The following WIPI2 variants were observed in gnomAD, a reference collection of about 807,000 sequenced individuals.
The protein encoded by WIPI2 is WD repeat domain phosphoinositide-interacting protein 2.
In WIPI2, 28 loss-of-function variants were observed where a neutral mutation model predicts 52.3. That is an observed-to-expected ratio of 0.54 (90% CI 0.40 to 0.73). The LOEUF is 0.73. WIPI2 is among the 30% of genes least tolerant of loss of function. WIPI2 has a pLI of 0.00. For synonymous variants in WIPI2, 268 were observed against 245.0 expected, an observed-to-expected ratio of 1.09 and a Z score of -0.88; for missense variants, 506 against 602.9, an observed-to-expected ratio of 0.84 and a Z score of 1.68.
In WIPI2 at chr7:5,202,912, T is replaced by C. The variant is rs142746198; in HGVS notation, c.211+3254T>C. Among the ~76,000 whole-genome samples the C allele has an allele frequency of 4.2e-3, 642 of 152,352 alleles. 13 individuals carry two copies. Among genetic ancestry groups the C allele is most frequent in the East Asian group, 2.7e-3 (14 of 5,190 alleles). The stretch of plus-strand genomic sequence containing the variant: ...TTATTTGTAAAAGATCACAAAAGTT[T>C]AGAAGTTGGCTTTTTTCAAAAGCTG... On this transcript the variant is annotated intron_variant, in intron 3 of 12. Transcript: ENST00000288828.
chr7:5,230,521 AT>A lies in WIPI2; in HGVS notation c.1253-306del, dbSNP rs1783681689. ...CCCACCCTGAGAGTCTCCTAGTGTC[AT>A]TTTTTTTCCTGGTGTTATTTTTGAG... On this transcript the variant is annotated intron_variant, in intron 12 of 12. Transcript: ENST00000288828. This position sits in a 1 kb window ranked among gnomAD's most constrained non-coding sequence, Gnocchi z 4.8. Among the ~76,000 whole-genome samples the A allele has an allele frequency of 6.6e-6, 1 of 151,826 alleles. No individual in the cohort carries two copies. Among genetic ancestry groups the A allele is most frequent in the Non-Finnish European group, 1.5e-5 (1 of 67,958 alleles).
intron 3 of WIPI2, among the ~76,000 whole-genome samples, chr7:5,212,748 C>T (rs573167465): frequency 1.3e-5 from 2 of 152,186 alleles, no homozygotes; most frequent in Non-Finnish European, 2.9e-5. Context: ...GAATTCCTGC[C>T]CTCAAGCAAT....
chr7:5,217,813 G>A (rs1307238124), intron 6 of WIPI2, 109 bp from the exon 7 acceptor site: 34 of 1,031,776 alleles, frequency 3.3e-5, no homozygotes, highest in African/African-American at 2.1e-4. Flanking sequence ...TGTTTGGACC[G>A]TAATGGTGTT....
chr7:5,193,302 AT>A, intron 2 of WIPI2, 131 bp downstream of exon 2: 1 of 1,507,310 alleles, frequency 6.6e-7, no homozygotes, highest in East Asian at 2.3e-5. Flanking sequence ...AAATGGAAAT[AT>A]CAAGGACTAC....
chr7:5,199,462 G>A, intron 2 of WIPI2, 114 bp from the exon 3 acceptor site: 2 of 812,164 alleles, frequency 2.5e-6, no homozygotes, highest in Non-Finnish European at 4.1e-6. Context: ...GTGCTGATTT[G>A]TGGAGGGCAC....
At chr7:5,214,494 T>A in intron 3 of WIPI2, 41 bp from the exon 4 acceptor site, 1 of 1,614,142 alleles carries the variant, frequency 6.2e-7, no homozygotes, top group Non-Finnish European at 8.5e-7. Flanking sequence ...GCCATAGCCA[T>A]GTGGAGATGT....
chr7:5,199,830 C>A (rs887796819), intron 3 of WIPI2, among the ~76,000 whole-genome samples, 172 bp downstream of exon 3: 1 of 152,188 alleles, frequency 6.6e-6, no homozygotes, highest in Admixed American at 6.6e-5. Context: ...CACCTGTGGC[C>A]GTCTGCCCTG....
intron 3 of WIPI2, chr7:5,214,222 A>C: frequency 7.8e-7 from 1 of 1,283,528 alleles, no homozygotes; most frequent in Non-Finnish European, 1.0e-6. Context: ...TTACTCTTTC[A>C]CTTTACCTAG....
rs970081575 is a variant in WIPI2 at position 5,229,649 on chromosome 7, C to T, written c.1163C>T (p.Ser388Phe). Reference protein sequence around the residue: ...SLETTNEILDSASHDCPLVTQ... With the variant: ...SLETTNEILDFASHDCPLVTQ... Reference sequence around the variant, plus strand: ...GAAACGACCAATGAGATCTTGGACTCTGCCTCTCACGACTGCCCCTTAGTC... The same window carrying T: ...GAAACGACCAATGAGATCTTGGACTTTGCCTCTCACGACTGCCCCTTAGTC... The change falls in exon 12 of 13, where the codon TCT (serine) becomes TTT (phenylalanine). Residue 388 changes from serine to phenylalanine, a missense_variant. Ser to Phe is a radical substitution (Grantham distance 155). This residue lies in a region of WIPI2 where 194 missense variants were observed against 175.1 expected (regional missense o/e 1.11). Transcript: ENST00000288828. 1.9e-6 allele frequency: 3 copies of T among 1,613,848 alleles called. No individual in the cohort carries two copies. The highest frequency in any genetic ancestry group is 2.5e-6 in the Non-Finnish European group (3 of 1,179,944).
rs1286425555 is a variant in WIPI2, at chr7:5,218,013, A to G, written c.668A>G (p.Lys223Arg). The change falls in exon 7 of 13, where the codon AAG becomes AGG. Residue 223 changes from lysine to arginine, a missense_variant and splice_region_variant. Physicochemically the swap from Lys to Arg is conservative, Grantham distance 26 (BLOSUM62 2). Coordinates refer to ENST00000288828, the MANE Select transcript of WIPI2 (RefSeq NM_015610.4). ...ACTAAACTTGCCACGGCTTCGGAGAAGGTGAGTCTGCTTTTCCCCGGGGGA... is the reference window on the plus strand; with the variant it reads ...ACTAAACTTGCCACGGCTTCGGAGAGGGTGAGTCTGCTTTTCCCCGGGGGA... The part of the protein sequence containing the change: ...SGTKLATASE[K>R]GTVIRVFSIP... 1.2e-6 allele frequency: 2 copies of G among 1,614,080 alleles called. No homozygotes were observed. The highest frequency in any genetic ancestry group is 1.1e-5 in the South Asian group (1 of 91,090).
chr7:5,197,149 A>G (rs971541615), intron 2 of WIPI2, among the ~76,000 whole-genome samples: 19 of 147,978 alleles, frequency 1.3e-4, no homozygotes, highest in Non-Finnish European at 3.0e-5. Context: ...AAAAAAAACC[A>G]TAAAATAAAT....
intron 3 of WIPI2, among the ~76,000 whole-genome samples, chr7:5,212,798 G>C (rs1240524996): frequency 6.6e-6 from 1 of 152,250 alleles, no homozygotes; most frequent in African/African-American, 2.4e-5. Flanking sequence ...GATTACAGGT[G>C]CGAAGCACCG....
intron 2 of WIPI2, among the ~76,000 whole-genome samples, chr7:5,195,339 G>C (rs1043760183): frequency 2.0e-5 from 3 of 152,106 alleles, no homozygotes; most frequent in African/African-American, 7.2e-5. Flanking sequence ...ACAAAAATTA[G>C]CCGGGTGTGG....
At chr7:5,228,647 A>G (rs184820942) in intron 11 of WIPI2, among the ~76,000 whole-genome samples, 524 of 152,378 alleles carry the variant, frequency 3.4e-3, no homozygotes, top group Non-Finnish European at 5.1e-3. Flanking sequence ...CTTGGAAAAC[A>G]GGGAGTTAAC....
intron 3 of WIPI2, among the ~76,000 whole-genome samples, chr7:5,201,861 C>G (rs1194944698): frequency 2.0e-5 from 3 of 152,120 alleles, no homozygotes; most frequent in Non-Finnish European, 4.4e-5. Context: ...ATGAAATGGA[C>G]AAAGAATGTT....
rs181256372 is a variant in WIPI2, at chr7:5,211,942, G to A, written c.212-2593G>A. On this transcript the variant is annotated intron_variant, in intron 3 of 12. Transcript: ENST00000288828. ...CAGTACATGTGTTAGGACGCGTGCC[G>A]CTGAGCTTCACCAAGAGCACTTCTG... Among the ~76,000 whole-genome samples, 62 of 152,302 alleles carry A rather than the reference G, an allele frequency of 4.1e-4. No homozygotes were observed. In the East Asian group the frequency reaches 0.01, roughly 25 times the overall value.
At chr7:5,225,203 C>T (rs537351358) in intron 8 of WIPI2, among the ~76,000 whole-genome samples, 4 of 151,396 alleles carry the variant, frequency 2.6e-5, no homozygotes, top group Non-Finnish European at 5.9e-5. Context: ...TGCAGTGGTG[C>T]GATCTCAGCT....
rs1022376250 is a variant in WIPI2, at chr7:5,232,014, G to T, written c.*1067G>T. ...TGAGAGATTGTGGTTGCAAGCTTCA[G>T]TATTTGCCTCGCTTCCCTTCCCTTT... is the stretch of plus-strand genomic sequence containing the variant. On this transcript the variant is annotated 3_prime_UTR_variant, in exon 13 of 13. Coordinates refer to ENST00000288828, the MANE Select transcript of WIPI2 (RefSeq NM_015610.4). 5.8e-6 allele frequency: 2 copies of T among 344,928 alleles called. No homozygotes were observed. The highest frequency in any genetic ancestry group is 4.8e-6 in the Non-Finnish European group (1 of 207,568). 21.4% of individuals were successfully genotyped at this position (344,928 alleles called of 1,614,324 possible).
At chr7:5,225,798 C>T (rs541053312) in intron 8 of WIPI2, 25 bp from the exon 9 acceptor site, 9 of 1,584,402 alleles carry the variant, frequency 5.7e-6, no homozygotes, top group African/African-American at 1.3e-5. Context: ...TCCGGTGGCC[C>T]GCCCCAACCT....
Sources: gnomAD v4.1 joint callset for allele counts (sites outside exome capture counted in the v4.1 genomes callset) on GRCh38, gnomAD v4.1.1 for gene constraint, gnomAD v4.1.1 regional missense constraint, Gnocchi (gnomAD v3.1) non-coding constraint, MANE v1.5 for transcripts, NCBI Gene and HGNC (gene_info 2026-07-23, HGNC 2026-07-21) for gene names.